Variants in SHANK2 observed in about 807,000 individuals in gnomAD.
SHANK2 encodes SH3 and multiple ankyrin repeat domains 2, also known as SH3 and multiple ankyrin repeat domains protein 2.
SHANK2 carries 43 observed loss-of-function variants against 133.7 expected under a neutral mutation model. That is an observed-to-expected ratio of 0.32 (90% CI 0.25 to 0.41). The LOEUF (loss-of-function observed/expected upper bound fraction) is 0.41. Among genes scored for constraint, SHANK2 ranks in the 10% least tolerant of loss-of-function variants. SHANK2 has a pLI of 1.00. For missense variants in SHANK2, 1,994 were observed against 2,235.8 expected, an observed-to-expected ratio of 0.89 and a Z score of 2.18; for synonymous variants, 1,017 against 952.8, an observed-to-expected ratio of 1.07 and a Z score of -1.24.
intron 2 of SHANK2, among the ~76,000 whole-genome samples, chr11:71,147,645 G>C (rs1378055808): frequency 1.3e-5 from 2 of 152,212 alleles, no homozygotes; most frequent in African/African-American, 4.8e-5. Context: ...GCCTGAGCTA[G>C]CCACGGGGAT....
At chr11:71,248,488 G>T (rs994896068) in intron 1 of SHANK2, among the ~76,000 whole-genome samples, 4 of 152,194 alleles carry the variant, frequency 2.6e-5, no homozygotes, top group Non-Finnish European at 5.9e-5. Flanking sequence ...TAAGGCAAGC[G>T]GCTTCACTCC....
At chr11:70,649,494 T>A (rs1194246966) in intron 17 of SHANK2, among the ~76,000 whole-genome samples, 3 of 152,164 alleles carry the variant, frequency 2.0e-5, no homozygotes, top group African/African-American at 7.2e-5. Context: ...TGTGGGGCAC[T>A]TAGCACAGGG....
intron 11 of SHANK2, among the ~76,000 whole-genome samples, chr11:70,887,074 T>C (rs1315818358): frequency 6.6e-6 from 1 of 152,098 alleles, no homozygotes; most frequent in African/African-American, 2.4e-5. Flanking sequence ...AAAAAATAGG[T>C]TATCCCAGTC....
chr11:70,819,508 G>A (rs1555055270), intron 12 of SHANK2, among the ~76,000 whole-genome samples: 1 of 152,218 alleles, frequency 6.6e-6, no homozygotes, highest in Non-Finnish European at 1.5e-5. Flanking sequence ...GCGTGAGAAA[G>A]GCAGAGACCT....
At chr11:70,798,835 C>T (rs1421258211) in intron 13 of SHANK2, among the ~76,000 whole-genome samples, 14 of 152,186 alleles carry the variant, frequency 9.2e-5, no homozygotes, top group African/African-American at 1.7e-4. Context: ...TCTGACACCA[C>T]GTCATATGAA....
chr11:71,180,798 C>G (rs1476648626), intron 2 of SHANK2, among the ~76,000 whole-genome samples: 3 of 152,016 alleles, frequency 2.0e-5, no homozygotes, highest in African/African-American at 7.2e-5. Context: ...GGAATTTTTA[C>G]CAGCCACCAC....
rs376912185 is a variant in SHANK2, at chr11:71,147,369, C to T, written c.-12-31G>A. 5.3e-4 allele frequency: 809 copies of T among 1,512,958 alleles called. 9 individuals carry two copies. In the South Asian group the frequency reaches 8.9e-3, roughly 17 times the overall value. The allele number at this position is 1,512,958 out of a possible 1,614,324, so 93.7% of individuals were successfully genotyped here. A position where few individuals can be genotyped will look rare whatever the true frequency, so the allele number is the denominator to read the frequency against. ...AGGTGGGGAGAAGGAAGACAAAGAA[C>T]GGGAGATGTGAAAATGAAAGAAAAC... On this transcript the variant is annotated intron_variant, in intron 2 of 25. Transcript: ENST00000601538.
chr11:70,915,267 G>A (rs891832587), intron 10 of SHANK2, among the ~76,000 whole-genome samples: 1 of 152,140 alleles, frequency 6.6e-6, no homozygotes. Context: ...GTGCAGGGCT[G>A]CTGTTCCCAA....
intron 17 of SHANK2, among the ~76,000 whole-genome samples, chr11:70,588,729 T>C (rs2060284362): frequency 6.6e-6 from 1 of 152,244 alleles, no homozygotes; most frequent in Non-Finnish European, 1.5e-5. Context: ...CAAGTCTTGA[T>C]GGAGAAGCTG....
chr11:70,726,443 G>A (rs2134694042), intron 14 of SHANK2, among the ~76,000 whole-genome samples: 1 of 125,122 alleles, frequency 8.0e-6, no homozygotes, highest in African/African-American at 3.0e-5. Flanking sequence ...TGGGGTCTTT[G>A]CCCTGAAGCT....
rs868980678 is a variant in SHANK2, at chr11:70,647,794, G to A, written c.2061+12034C>T. On this transcript the variant is annotated intron_variant, in intron 17 of 25. Coordinates refer to ENST00000601538, the MANE Select transcript of SHANK2 (RefSeq NM_012309.5). Reference sequence around the variant, plus strand: ...CGGTCCTTCTGCCCAGGCATGTGACGAAGGTGGTGAACTCAGCACTCACTG... The same window carrying A: ...CGGTCCTTCTGCCCAGGCATGTGACAAAGGTGGTGAACTCAGCACTCACTG... Among the ~76,000 whole-genome samples, 16 of 152,194 alleles carry A rather than the reference G, an allele frequency of 1.1e-4. 1 individual carries two copies. The highest frequency in any genetic ancestry group is 2.1e-4 in the South Asian group (1 of 4,832).
At chr11:70,664,541 A>G (rs1319284977) in intron 15 of SHANK2, among the ~76,000 whole-genome samples, 2 of 152,198 alleles carry the variant, frequency 1.3e-5, no homozygotes, top group African/African-American at 4.8e-5. Flanking sequence ...CCCTGGGGAC[A>G]CATGGGCTGA....
At chr11:70,481,593 G>A (rs530157894) in intron 25 of SHANK2, among the ~76,000 whole-genome samples, 1 of 152,340 alleles carries the variant, frequency 6.6e-6, no homozygotes, top group East Asian at 1.9e-4. Flanking sequence ...CTATGGAAAT[G>A]GGATTTTTAC....
intron 15 of SHANK2, among the ~76,000 whole-genome samples, chr11:70,677,610 T>A (rs1448722030): frequency 6.6e-6 from 1 of 151,948 alleles, no homozygotes; most frequent in Non-Finnish European, 1.5e-5. Context: ...CCCAAGGAAG[T>A]CCACCATTAA....
chr11:70,605,953 C>G (rs949392840), intron 17 of SHANK2, among the ~76,000 whole-genome samples: 3 of 152,094 alleles, frequency 2.0e-5, no homozygotes, highest in South Asian at 2.1e-4. Context: ...ATTATTCCCC[C>G]CCCTCCTTGG....
chr11:70,490,796 C>A (rs1555155666), intron 22 of SHANK2, among the ~76,000 whole-genome samples: 1 of 152,198 alleles, frequency 6.6e-6, no homozygotes, highest in African/African-American at 2.4e-5. Flanking sequence ...TCCCCATGTG[C>A]CATGTGACCA....
At chr11:70,586,586 C>T (rs1178465363) in intron 17 of SHANK2, among the ~76,000 whole-genome samples, 1 of 152,242 alleles carries the variant, frequency 6.6e-6, no homozygotes, top group African/African-American at 2.4e-5. Context: ...CCAAGGGGCA[C>T]ATGCTGGGAC....
rs782595165 is a variant in SHANK2 at position 70,487,620 on chromosome 11, C to T, written c.2673G>A (p.Pro891=). Residue 891 remains proline (P), a synonymous_variant, in exon 25 of 26, where the codon CCG becomes CCA. Transcript: ENST00000601538. This position sits in a 1 kb window ranked among gnomAD's most constrained non-coding sequence, Gnocchi z 5.8. ...GTGGTGGGGACGGGGGCACAGACTG[C>T]GGTGGAGGGGGGATGTCCTCAGAGG... ...PDTSEDIPPP[P]QSVPPSPPPP... 2.1e-5 allele frequency: 34 copies of T among 1,606,156 alleles called. No individual in the cohort carries two copies. In the East Asian group the frequency reaches 5.2e-4, roughly 24 times the overall value.
At chr11:70,733,090 G>A (rs1946324089) in intron 14 of SHANK2, among the ~76,000 whole-genome samples, 1 of 152,230 alleles carries the variant, frequency 6.6e-6, no homozygotes, top group Admixed American at 6.5e-5. Flanking sequence ...TCTCAACTGA[G>A]TGGGATCGTC....
Sources: gnomAD v4.1 joint callset for allele counts (sites outside exome capture counted in the v4.1 genomes callset) on GRCh38, gnomAD v4.1.1 for gene constraint, Gnocchi (gnomAD v3.1) non-coding constraint, MANE v1.5 for transcripts, NCBI Gene and HGNC (gene_info 2026-07-23, HGNC 2026-07-21) for gene names.